Variants in SBNO1 observed in about 807,000 individuals in gnomAD.
SBNO1 encodes protein strawberry notch homolog 1.
A neutral mutation model predicts 173.6 loss-of-function variants in SBNO1; 23 were observed. That is an observed-to-expected ratio of 0.13 (90% CI 0.10 to 0.19). The LOEUF (loss-of-function observed/expected upper bound fraction) is 0.19, where lower values mean the gene tolerates loss of function less well. SBNO1 is among the 10% of genes least tolerant of loss of function. The pLI is 1.00. For missense variants in SBNO1, 1,238 were observed against 1,671.2 expected, an observed-to-expected ratio of 0.74 and a Z score of 4.52; for synonymous variants, 632 against 571.5, an observed-to-expected ratio of 1.11 and a Z score of -1.51.
intron 16 of SBNO1, among the ~76,000 whole-genome samples, chr12:123,322,243 C>T (rs1454530331): frequency 1.3e-5 from 2 of 152,116 alleles, no homozygotes; most frequent in Non-Finnish European, 1.5e-5. Context: ...TGTGATCCTC[C>T]CACCTCAGCC....
At chr12:123,348,876 C>T (rs1421522235) in intron 2 of SBNO1, 1 of 151,884 alleles carries the variant, frequency 6.6e-6, no homozygotes, top group Non-Finnish European at 1.5e-5. Context: ...GGGAGAACTG[C>T]TTGAACCTGA....
intron 1 of SBNO1, among the ~76,000 whole-genome samples, chr12:123,355,528 C>A (rs996759447): frequency 9.2e-5 from 14 of 151,522 alleles, no homozygotes; most frequent in African/African-American, 3.4e-4. Flanking sequence ...CGCGTGAACC[C>A]GGGAGGCGGA....
intron 28 of SBNO1, among the ~76,000 whole-genome samples, chr12:123,306,316 C>T (rs1407507040): frequency 6.6e-6 from 1 of 152,108 alleles, no homozygotes; most frequent in African/African-American, 2.4e-5. Context: ...ATTGTTTTCC[C>T]AATGGCAGCA....
At chr12:123,344,122 TAAG>T (rs1047713189) in intron 4 of SBNO1, among the ~76,000 whole-genome samples, 103 of 152,298 alleles carry the variant, frequency 6.8e-4, no homozygotes, top group African/African-American at 2.5e-3. Flanking sequence ...GCCACTCATA[TAAG>T]AAGCAGGCTT....
At chr12:123,309,687 G>T (rs1177395038) in intron 26 of SBNO1, 23 bp downstream of exon 26, 1 of 1,609,642 alleles carries the variant, frequency 6.2e-7, no homozygotes, top group Non-Finnish European at 8.5e-7. Context: ...GGACATTGTG[G>T]GGGGGAAATT....
At chr12:123,302,755 AAG>A in intron 30 of SBNO1, 67 bp downstream of exon 30, 1 of 931,064 alleles carries the variant, frequency 1.1e-6, no homozygotes, top group Non-Finnish European at 1.8e-6. Flanking sequence ...CATACTGATA[AAG>A]AGTGAAGGTG....
chr12:123,298,546 C>T (rs543220882), intron 30 of SBNO1, among the ~76,000 whole-genome samples: 1 of 152,318 alleles, frequency 6.6e-6, no homozygotes, highest in South Asian at 2.1e-4. Flanking sequence ...TGAGCCACCG[C>T]TCTTGGCCTC....
intron 30 of SBNO1, among the ~76,000 whole-genome samples, chr12:123,302,002 G>A (rs946235401): frequency 1.3e-5 from 2 of 151,798 alleles, no homozygotes; most frequent in Non-Finnish European, 2.9e-5. Flanking sequence ...GTGCAGTGGT[G>A]CAATCTCGGC....
chr12:123,298,995 T>C (rs955175572), intron 30 of SBNO1, among the ~76,000 whole-genome samples: 2 of 151,566 alleles, frequency 1.3e-5, no homozygotes, highest in African/African-American at 2.4e-5. Flanking sequence ...GGCTGAGGCA[T>C]GCAGACAGCT....
At chr12:123,347,290 C>A (rs1873300895) in intron 3 of SBNO1, among the ~76,000 whole-genome samples, 2 of 147,474 alleles carry the variant, frequency 1.4e-5, no homozygotes, top group Non-Finnish European at 3.0e-5. Context: ...GCAGCGGTCC[C>A]ATCTCGGCTC....
chr12:123,308,050 C>T (rs1479223802), intron 28 of SBNO1, among the ~76,000 whole-genome samples: 2 of 151,930 alleles, frequency 1.3e-5, no homozygotes, highest in East Asian at 1.9e-4. Context: ...CCAGCCTGGG[C>T]GACAGATTGA....
intron 3 of SBNO1, among the ~76,000 whole-genome samples, chr12:123,345,912 C>A (rs926800216): frequency 6.6e-6 from 1 of 152,198 alleles, no homozygotes; most frequent in Non-Finnish European, 1.5e-5. Context: ...ATTCTCCCAC[C>A]TCAGCCTCCC....
chr12:123,304,265 G>A (rs993357866), intron 29 of SBNO1, among the ~76,000 whole-genome samples: 7 of 151,592 alleles, frequency 4.6e-5, no homozygotes, highest in African/African-American at 1.5e-4. Context: ...ACGAAGTTTC[G>A]CGCTTGTTGC....
In SBNO1 at chr12:123,328,905, A is replaced by G. The variant is rs1870870824; in HGVS notation, c.1135-10T>C. On this transcript the variant is annotated splice_polypyrimidine_tract_variant and intron_variant, in intron 9 of 31. Coordinates refer to ENST00000602398, the MANE Select transcript of SBNO1 (RefSeq NM_001167856.3). ...TTTTTCCGTATTTAAACTAAAAAAG[A>G]AAAGAAAAGAATTTAGTTAATTAGT... The G allele has an allele frequency of 4.8e-6, 7 of 1,465,060 alleles. No homozygotes were observed. Among genetic ancestry groups the G allele is most frequent in the Non-Finnish European group, 6.5e-6 (7 of 1,069,670 alleles). The allele number at this position is 1,465,060 out of a possible 1,614,324, so 90.8% of individuals were successfully genotyped here.
At chr12:123,327,851 A>G in intron 11 of SBNO1, 39 bp from the exon 12 acceptor site, 1 of 1,589,112 alleles carries the variant, frequency 6.3e-7, no homozygotes, top group South Asian at 1.1e-5. Flanking sequence ...TAGTTGAAAA[A>G]ATAACCTACA....
intron 31 of SBNO1, among the ~76,000 whole-genome samples, chr12:123,296,584 T>C (rs893165477): frequency 6.6e-6 from 1 of 151,012 alleles, no homozygotes; most frequent in Non-Finnish European, 1.5e-5. Flanking sequence ...TTTTCTGAGA[T>C]GGAGTATTGC....
chr12:123,364,772 G>T lies in SBNO1; in HGVS notation c.-72C>A. ...GAGTTTGAAGGACCAGAGGCGACTG[G>T]AGCGGAGGCGGCGGTGGCGGCGGCA... On this transcript the variant is annotated 5_prime_UTR_variant, in exon 1 of 32. Coordinates refer to ENST00000602398, the MANE Select transcript of SBNO1 (RefSeq NM_001167856.3). 1 of 988,816 alleles carries T rather than the reference G, an allele frequency of 1.0e-6. No homozygotes were observed. Among genetic ancestry groups the T allele is most frequent in the South Asian group, 4.5e-5 (1 of 22,008 alleles). The allele number at this position is 988,816 out of a possible 1,614,324, so 61.3% of individuals were successfully genotyped here. A position where few individuals can be genotyped will look rare whatever the true frequency, so the allele number is the denominator to read the frequency against.
At chr12:123,318,026 AT>A (rs1869494249) in intron 20 of SBNO1, among the ~76,000 whole-genome samples, 1 of 152,132 alleles carries the variant, frequency 6.6e-6, no homozygotes, top group African/African-American at 2.4e-5. Context: ...CAGTGGTGCA[AT>A]CATAGCTCTC....
intron 30 of SBNO1, among the ~76,000 whole-genome samples, chr12:123,300,917 C>T (rs1026875350): frequency 1.3e-5 from 2 of 149,910 alleles, no homozygotes; most frequent in Non-Finnish European, 3.0e-5. Context: ...TGAGATCGTG[C>T]CACTGCACTC....
Sources: allele counts gnomAD v4.1 joint callset (sites outside exome capture counted in the v4.1 genomes callset), GRCh38; gene constraint gnomAD v4.1.1; transcripts MANE v1.5; gene names NCBI Gene and HGNC (gene_info 2026-07-23, HGNC 2026-07-21).